BMAL2: variants seen among roughly 807,000 people sequenced by gnomAD.
BMAL2 encodes basic helix-loop-helix ARNT-like protein 2.
the BMAL2 span, among the ~76,000 whole-genome samples, chr12:27,373,872 A>T: frequency 6.6e-6 from 1 of 152,242 alleles, no homozygotes; most frequent in African/African-American, 2.4e-5. Flanking sequence ...GTAGCCCAGT[A>T]ATGTGACCAT....
chr12:27,386,041 C>T, the BMAL2 span, among the ~76,000 whole-genome samples: 1 of 152,086 alleles, frequency 6.6e-6, no homozygotes, highest in African/African-American at 2.4e-5. Flanking sequence ...GCTTCTCATG[C>T]CCTCGGAGGT....
the BMAL2 span, among the ~76,000 whole-genome samples, chr12:27,379,346 T>C: frequency 1.3e-5 from 2 of 152,184 alleles, no homozygotes; most frequent in African/African-American, 4.8e-5. Context: ...ATGAATGAGA[T>C]AGGGTTATAA....
the BMAL2 span, among the ~76,000 whole-genome samples, chr12:27,336,812 C>T: frequency 2.0e-5 from 3 of 151,672 alleles, no homozygotes; most frequent in Non-Finnish European, 4.4e-5. Context: ...ATTAGTCCGG[C>T]GTTGGTGGTG....
the BMAL2 span, chr12:27,418,291 A>G: frequency 3.6e-6 from 3 of 828,534 alleles, no homozygotes; most frequent in South Asian, 3.8e-5. Flanking sequence ...GTAGAGAAGC[A>G]GATAGTTTTA....
At chr12:27,388,563 C>G in the BMAL2 span, among the ~76,000 whole-genome samples, 39 of 151,978 alleles carry the variant, frequency 2.6e-4, 1 homozygote, top group East Asian at 4.5e-3. Flanking sequence ...ACATTTCAAC[C>G]TGGGAGAAGG....
chr12:27,393,234 C>A, the BMAL2 span, among the ~76,000 whole-genome samples: 1 of 152,236 alleles, frequency 6.6e-6, no homozygotes, highest in Non-Finnish European at 1.5e-5. Flanking sequence ...ACCAAATCCA[C>A]TATCACCATT....
chr12:27,423,654 G>C, the BMAL2 span: 1 of 152,120 alleles, frequency 6.6e-6, no homozygotes, highest in East Asian at 1.9e-4. Context: ...TTAACCCTAA[G>C]AATTACCACT....
the BMAL2 span, among the ~76,000 whole-genome samples, chr12:27,418,382 C>T: frequency 6.7e-6 from 1 of 149,172 alleles, no homozygotes; most frequent in African/African-American, 2.5e-5. Flanking sequence ...AGGAGGATTG[C>T]TTGAGGCTAG....
chr12:27,383,134 G>T, the BMAL2 span, among the ~76,000 whole-genome samples: 1 of 152,192 alleles, frequency 6.6e-6, no homozygotes, highest in African/African-American at 2.4e-5. Flanking sequence ...GGCAGACCTT[G>T]TGGTTCAAAT....
At chr12:27,408,921 A>G in the BMAL2 span, among the ~76,000 whole-genome samples, 3 of 152,242 alleles carry the variant, frequency 2.0e-5, no homozygotes, top group Non-Finnish European at 2.9e-5. Flanking sequence ...TCAATGTGCA[A>G]AAATCACAAG....
chr12:27,355,772 A>G, the BMAL2 span, among the ~76,000 whole-genome samples: 2 of 152,236 alleles, frequency 1.3e-5, no homozygotes, highest in African/African-American at 2.4e-5. Context: ...ATTCACAGAA[A>G]CTAACAGTCT....
the BMAL2 span, among the ~76,000 whole-genome samples, chr12:27,373,962 A>G: frequency 1.3e-5 from 2 of 152,206 alleles, no homozygotes; most frequent in Non-Finnish European, 2.9e-5. Flanking sequence ...TTTACTAACT[A>G]TCTAGATTTG....
the BMAL2 span, among the ~76,000 whole-genome samples, chr12:27,378,343 C>T: frequency 6.6e-6 from 1 of 152,120 alleles, no homozygotes; most frequent in African/African-American, 2.4e-5. Flanking sequence ...ACTGAGGTAG[C>T]TTAGAGAGAG....
At chr12:27,420,016 CGTG>C in the BMAL2 span, among the ~76,000 whole-genome samples, 1 of 113,514 alleles carries the variant, frequency 8.8e-6, no homozygotes, top group African/African-American at 3.3e-5. Context: ...AGGGTTTGCG[CGTG>C]CACACACACA....
At chr12:27,382,146 T>C in the BMAL2 span, among the ~76,000 whole-genome samples, 2 of 152,164 alleles carry the variant, frequency 1.3e-5, no homozygotes, top group Non-Finnish European at 2.9e-5. Context: ...AGCTGAGGCT[T>C]GCAATATTTT....
the BMAL2 span, among the ~76,000 whole-genome samples, chr12:27,350,357 C>G: frequency 1.3e-5 from 2 of 152,186 alleles, no homozygotes; most frequent in Non-Finnish European, 2.9e-5. Flanking sequence ...TTGTGGAAGG[C>G]TTTTTCTTAA....
the BMAL2 span, among the ~76,000 whole-genome samples, chr12:27,392,081 C>T: frequency 6.6e-6 from 1 of 152,182 alleles, no homozygotes; most frequent in Non-Finnish European, 1.5e-5. Flanking sequence ...TCACAGGACT[C>T]TGTGGTTTAG....
At chr12:27,407,706 A>G in the BMAL2 span, among the ~76,000 whole-genome samples, 2 of 152,194 alleles carry the variant, frequency 1.3e-5, no homozygotes, top group Non-Finnish European at 2.9e-5. Flanking sequence ...GAGCAAACAC[A>G]TTCAAAAGCT....
At chr12:27,393,525 A>G in the BMAL2 span, among the ~76,000 whole-genome samples, 2 of 152,170 alleles carry the variant, frequency 1.3e-5, no homozygotes, top group African/African-American at 4.8e-5. Flanking sequence ...AATGGTAAGT[A>G]GGGATGCCCT....
Sources: allele counts gnomAD v4.1 joint callset (sites outside exome capture counted in the v4.1 genomes callset), GRCh38; gene constraint gnomAD v4.1.1; transcripts MANE v1.5; gene names NCBI Gene and HGNC (gene_info 2026-07-23, HGNC 2026-07-21).